SV2C: variants seen among roughly 807,000 people sequenced by gnomAD.
SV2C encodes solute carrier family 22 member B3.
In SV2C, 49 loss-of-function variants were observed where a neutral mutation model predicts 79.7. The observed-to-expected ratio is 0.61, with a 90% CI of 0.49 to 0.78. SV2C has a LOEUF of 0.78. Among genes scored for constraint, SV2C ranks in the 30% least tolerant of loss-of-function variants. The pLI, the probability that SV2C is intolerant of heterozygous loss-of-function variation, is 0.00. For synonymous variants in SV2C, 334 were observed against 333.2 expected, an observed-to-expected ratio of 1.00 and a Z score of -0.03; for missense variants, 833 against 912.9, an observed-to-expected ratio of 0.91 and a Z score of 1.13.
the SV2C span, among the ~76,000 whole-genome samples, chr5:76,037,594 T>G: frequency 6.6e-6 from 1 of 152,170 alleles, no homozygotes; most frequent in Non-Finnish European, 1.5e-5. Flanking sequence ...GAGGAGGCAG[T>G]CTGCCCGTTC....
the SV2C span, among the ~76,000 whole-genome samples, chr5:75,898,594 G>T: frequency 6.6e-6 from 1 of 152,178 alleles, no homozygotes; most frequent in Non-Finnish European, 1.5e-5. Flanking sequence ...AAATGAGTTA[G>T]GGAGGATTCC....
rs73130289 is a variant in SV2C at position 76,132,245 on chromosome 5, C to T, written c.495C>T (p.Asp165=). ...TCCTGGGCATGGCTCTTATGGCAGACGGTGTAGAGGTGTTTGTCGTTGGCT... is the reference window on the plus strand; with the variant it reads ...TCCTGGGCATGGCTCTTATGGCAGATGGTGTAGAGGTGTTTGTCGTTGGCT... ...FFVLGMALMA[D]GVEVFVVGFV... is the part of the protein sequence containing the mutation. Residue 165 remains aspartate (D), a synonymous_variant, in exon 2 of 13, where the codon GAC becomes GAT. Transcript: ENST00000502798. The T allele has an allele frequency of 2.4e-3, 3,910 of 1,613,976 alleles. 64 individuals carry two copies. The African/African-American group carries it at 0.042, about 17-fold the overall frequency.
the SV2C span, among the ~76,000 whole-genome samples, chr5:75,901,731 TG>T: frequency 6.6e-6 from 1 of 152,244 alleles, no homozygotes; most frequent in Admixed American, 6.5e-5. Flanking sequence ...TCAGCTGTGG[TG>T]GGTTCCACCC....
intron 5 of SV2C, 48 bp from the exon 6 acceptor site, chr5:76,285,733 G>T: frequency 1.3e-6 from 2 of 1,520,302 alleles, no homozygotes. Context: ...AATCAGGGAG[G>T]GTAAGTGTGT....
At chr5:75,875,161 C>T in the SV2C span, among the ~76,000 whole-genome samples, 1 of 152,146 alleles carries the variant, frequency 6.6e-6, no homozygotes, top group Non-Finnish European at 1.5e-5. Flanking sequence ...GGAGCCATCA[C>T]ATTAACTGAT....
the SV2C span, among the ~76,000 whole-genome samples, chr5:76,028,256 T>C: frequency 3.3e-5 from 5 of 152,210 alleles, no homozygotes; most frequent in Admixed American, 6.5e-5. Flanking sequence ...ATTTTTTTTA[T>C]GTATTTTGTC....
rs1749209209 is a variant in SV2C, at chr5:76,332,309, G to A, written c.*6762G>A. ...GGGGTGCAAAGTCCAAAACAGCTTT[G>A]TGGTGCCTGGGGAGTGACTAGGCAG... is the stretch of plus-strand genomic sequence containing the variant. On this transcript the variant is annotated 3_prime_UTR_variant, in exon 13 of 13. Coordinates refer to ENST00000502798, the MANE Select transcript of SV2C (RefSeq NM_014979.4). 6.6e-6 allele frequency: 1 copy of A among 152,194 alleles called. No homozygotes were observed. Among genetic ancestry groups the A allele is most frequent in the Admixed American group, 6.5e-5 (1 of 15,276 alleles). The allele number at this position is 152,194 out of a possible 1,614,324, so 9.4% of individuals were successfully genotyped here.
intron 4 of SV2C, among the ~76,000 whole-genome samples, chr5:76,212,812 C>A (rs903794281): frequency 1.3e-5 from 2 of 152,174 alleles, no homozygotes; most frequent in Admixed American, 1.3e-4. Context: ...TGCCCTTGAA[C>A]TCTGGATGGT....
chr5:76,119,337 T>C (rs1005323648), intron 1 of SV2C, among the ~76,000 whole-genome samples: 1 of 152,180 alleles, frequency 6.6e-6, no homozygotes, highest in African/African-American at 2.4e-5. Context: ...TTCAAAGTAC[T>C]GTTGGATAAC....
chr5:75,935,016 AC>A, the SV2C span, among the ~76,000 whole-genome samples: 80 of 152,102 alleles, frequency 5.3e-4, 1 homozygote, highest in East Asian at 0.014. Flanking sequence ...GTATTTAACT[AC>A]CTGCTAACTT....
intron 4 of SV2C, among the ~76,000 whole-genome samples, chr5:76,271,077 A>C (rs1358269504): frequency 6.6e-6 from 1 of 152,054 alleles, no homozygotes; most frequent in Admixed American, 6.6e-5. Context: ...CCTAATCGCT[A>C]TGATTTTTAA....
At chr5:76,083,857 C>T (rs1450290778) in intron 1 of SV2C, 4 of 152,420 alleles carry the variant, frequency 2.6e-5, no homozygotes, top group Non-Finnish European at 5.9e-5. Flanking sequence ...GACCGCCACG[C>T]TCTTTTTTGC....
intron 2 of SV2C, among the ~76,000 whole-genome samples, chr5:76,146,245 A>C (rs1749416148): frequency 6.6e-6 from 1 of 152,176 alleles, no homozygotes; most frequent in Admixed American, 6.5e-5. Flanking sequence ...ACGTTCTTGG[A>C]TGTCACGCAA....
chr5:76,132,094 A>T lies in SV2C; in HGVS notation c.344A>T (p.Asp115Val). The T allele has an allele frequency of 3.1e-6, 5 of 1,613,612 alleles. No individual in the cohort carries two copies. The highest frequency in any genetic ancestry group is 4.2e-6 in the Non-Finnish European group (5 of 1,179,696). The change falls in exon 2 of 13, where the codon GAT becomes GTT. Residue 115 changes from aspartate (D) to valine (V), a missense_variant. Asp to Val is a radical substitution (Grantham distance 152). Coordinates refer to ENST00000502798, the MANE Select transcript of SV2C (RefSeq NM_014979.4). ...GTGTCAGTGGGGCAGCCCAAGGGCGATGAGTACAAGGACCGGCGGGAGCTG... is the reference window on the plus strand; with the variant it reads ...GTGTCAGTGGGGCAGCCCAAGGGCGTTGAGTACAAGGACCGGCGGGAGCTG... ...SIVSVGQPKG[D>V]EYKDRRELES... is the part of the protein sequence containing the mutation.
intron 2 of SV2C, among the ~76,000 whole-genome samples, chr5:76,183,645 C>A (rs1163870703): frequency 6.6e-6 from 1 of 152,122 alleles, no homozygotes; most frequent in Non-Finnish European, 1.5e-5. Context: ...TGTGTTGACT[C>A]CAACTTTTCC....
the SV2C span, among the ~76,000 whole-genome samples, chr5:75,979,747 T>C: frequency 6.6e-6 from 1 of 152,136 alleles, no homozygotes; most frequent in Non-Finnish European, 1.5e-5. Flanking sequence ...GGGAAATTTA[T>C]AGCACTAAAT....
At chr5:76,048,635 C>G in the SV2C span, among the ~76,000 whole-genome samples, 1 of 151,902 alleles carries the variant, frequency 6.6e-6, no homozygotes, top group South Asian at 2.1e-4. Flanking sequence ...GACTGGTGTA[C>G]TTGCAAGTAA....
chr5:76,032,072 A>C, the SV2C span, among the ~76,000 whole-genome samples: 1 of 152,236 alleles, frequency 6.6e-6, no homozygotes, highest in African/African-American at 2.4e-5. Context: ...AGCCTTTTAA[A>C]ATCTTTCCTT....
intron 12 of SV2C, among the ~76,000 whole-genome samples, chr5:76,319,794 C>T (rs147667454): frequency 5.9e-5 from 9 of 152,262 alleles, no homozygotes. Flanking sequence ...AGAGGTTCGT[C>T]GTTTGGGAAA....
Sources: allele counts gnomAD v4.1 joint callset (sites outside exome capture counted in the v4.1 genomes callset), GRCh38; gene constraint gnomAD v4.1.1; transcripts MANE v1.5; gene names NCBI Gene and HGNC (gene_info 2026-07-23, HGNC 2026-07-21).